The following RBFOX1 variants were observed in gnomAD, a reference collection of about 807,000 sequenced individuals.
RBFOX1 encodes RNA binding protein fox-1 homolog 1.
Under a neutral mutation model 57.7 loss-of-function variants are expected in RBFOX1, and 8 were observed. The ratio of observed to expected loss-of-function variants is 0.14; its 90% CI spans 0.08 to 0.25. RBFOX1 has a LOEUF of 0.25. Ranked by LOEUF, RBFOX1 falls within the 10% of genes least tolerant of loss-of-function variation. The pLI, the probability that RBFOX1 is intolerant of heterozygous loss-of-function variation, is 1.00. For synonymous variants in RBFOX1, 326 were observed against 222.4 expected, an observed-to-expected ratio of 1.47 and a Z score of -4.15; for missense variants, 611 against 548.5, an observed-to-expected ratio of 1.11 and a Z score of -1.14.
intron 1 of RBFOX1, among the ~76,000 whole-genome samples, chr16:5,441,198 A>G (rs75115167): frequency 0.041 from 6,269 of 152,180 alleles, 145 homozygotes; most frequent in African/African-American, 0.068. Flanking sequence ...CATATTTTTC[A>G]GGTTATTGTA....
chr16:7,540,856 T>G (rs1225874411), intron 5 of RBFOX1, among the ~76,000 whole-genome samples: 3 of 152,210 alleles, frequency 2.0e-5, no homozygotes, highest in South Asian at 4.1e-4. Flanking sequence ...CTTATCACTT[T>G]CCTTAAACCC....
chr16:7,314,389 G>T (rs143450139), intron 4 of RBFOX1, among the ~76,000 whole-genome samples: 13 of 152,330 alleles, frequency 8.5e-5, no homozygotes, highest in Admixed American at 3.9e-4. Flanking sequence ...GTGCAGTGAA[G>T]ACTGCTTCAT....
intron 1 of RBFOX1, among the ~76,000 whole-genome samples, chr16:6,193,425 T>A (rs796767477): frequency 3.8e-4 from 40 of 106,484 alleles, no homozygotes; most frequent in African/African-American, 1.0e-3. Context: ...TATATATATA[T>A]AAAATTCAGT....
At chr16:5,367,608 G>A (rs755851026) in intron 1 of RBFOX1, among the ~76,000 whole-genome samples, 8 of 152,214 alleles carry the variant, frequency 5.3e-5, no homozygotes, top group Non-Finnish European at 1.0e-4. Flanking sequence ...GGTACTGGGC[G>A]TAACAGCAGC....
chr16:6,256,664 G>A (rs1035947821), intron 1 of RBFOX1, among the ~76,000 whole-genome samples: 1 of 152,072 alleles, frequency 6.6e-6, no homozygotes, highest in Admixed American at 6.6e-5. Flanking sequence ...CTTTTGCTGT[G>A]GGATGCTGCC....
intron 3 of RBFOX1, among the ~76,000 whole-genome samples, chr16:6,825,654 C>T (rs1567427968): frequency 6.6e-6 from 1 of 152,094 alleles, no homozygotes; most frequent in East Asian, 1.9e-4. Flanking sequence ...CGCTTCACTG[C>T]AGAAAGCAGG....
chr16:5,294,020 G>A (rs1255434620), intron 1 of RBFOX1, among the ~76,000 whole-genome samples: 8 of 152,180 alleles, frequency 5.3e-5, no homozygotes, highest in Non-Finnish European at 7.4e-5. Context: ...CCTGAGGCCA[G>A]GAGTTCGAGA....
At chr16:7,227,069 C>G (rs1157223846) in intron 4 of RBFOX1, among the ~76,000 whole-genome samples, 8 of 152,270 alleles carry the variant, frequency 5.3e-5, no homozygotes, top group South Asian at 2.1e-4. Context: ...CCCCAGCATT[C>G]TTACCTGGCC....
intron 14 of RBFOX1, among the ~76,000 whole-genome samples, chr16:7,691,359 C>T (rs993344886): frequency 1.4e-5 from 2 of 138,684 alleles, no homozygotes; most frequent in Non-Finnish European, 3.1e-5. Context: ...AATCAATACA[C>T]ATAGGTTTTC....
chr16:5,311,717 T>C (rs533058419), intron 1 of RBFOX1, among the ~76,000 whole-genome samples: 1 of 152,364 alleles, frequency 6.6e-6, no homozygotes, highest in African/African-American at 2.4e-5. Flanking sequence ...TGTCTATTCA[T>C]GTCATTTGTC....
chr16:7,627,410 C>A (rs1165682727), intron 10 of RBFOX1, among the ~76,000 whole-genome samples: 2 of 152,066 alleles, frequency 1.3e-5, no homozygotes, highest in Non-Finnish European at 2.9e-5. Context: ...TATAAATTGA[C>A]CCCATTTGCC....
chr16:7,222,616 C>T (rs1384920545), intron 4 of RBFOX1, among the ~76,000 whole-genome samples: 1 of 152,196 alleles, frequency 6.6e-6, no homozygotes, highest in African/African-American at 2.4e-5. Context: ...CTCTCTGCCG[C>T]TTATGATCTG....
At chr16:6,879,484 C>G (rs1361329615) in intron 3 of RBFOX1, among the ~76,000 whole-genome samples, 2 of 152,180 alleles carry the variant, frequency 1.3e-5, no homozygotes, top group Admixed American at 1.3e-4. Flanking sequence ...ATGACCCCAT[C>G]ATGACCTTAA....
chr16:6,785,886 C>G (rs1366934212), intron 3 of RBFOX1, among the ~76,000 whole-genome samples: 1 of 152,186 alleles, frequency 6.6e-6, no homozygotes, highest in South Asian at 2.1e-4. Context: ...GCTCCTCAGG[C>G]TCCGCTTAGC....
At position 6,505,945 on chromosome 16, in the gene RBFOX1, G is replaced by A. The variant is rs184910846; in HGVS notation, c.-63-148658G>A. Among the ~76,000 whole-genome samples, 32 of 152,264 alleles carry A rather than the reference G, an allele frequency of 2.1e-4. No individual in the cohort carries two copies. In the East Asian group the frequency reaches 4.6e-3, roughly 22 times the overall value. On this transcript the variant is annotated intron_variant, in intron 2 of 15. Coordinates refer to ENST00000550418, the MANE Select transcript of RBFOX1 (RefSeq NM_018723.4). ...ACAGTTGAGTGGGGTCAGGAGAGGA[G>A]GTTAGTGACATGGGTGGAAGAGGAA...
intron 4 of RBFOX1, among the ~76,000 whole-genome samples, chr16:7,100,296 G>A (rs2062453232): frequency 1.3e-5 from 2 of 152,062 alleles, no homozygotes; most frequent in African/African-American, 2.4e-5. Context: ...AAAGAACCCT[G>A]ACTCTTTCTG....
rs1185943369 is a variant in RBFOX1 at position 5,900,963 on chromosome 16, G to C, written c.351+33628G>C. On this transcript the variant is annotated intron_variant, in intron 4 of 19. Transcript: ENST00000641259. ...CTGACAGTGCAGTGGCTCTATCTCA[G>C]AGGTGGCATGTGAGAAGCAGAGAAG... Among the ~76,000 whole-genome samples the C allele has an allele frequency of 3.9e-5, 6 of 152,210 alleles. 1 individual carries two copies. Among genetic ancestry groups the C allele is most frequent in the Admixed American group, 3.9e-4 (6 of 15,288 alleles).
intron 3 of RBFOX1, among the ~76,000 whole-genome samples, chr16:5,704,938 T>C (rs2051187599): frequency 6.6e-6 from 1 of 152,160 alleles, no homozygotes; most frequent in South Asian, 2.1e-4. Flanking sequence ...AAAAGTCATA[T>C]GGGAATGAGG....
At chr16:6,637,421 A>ACAAATATATAT (rs1263831992) in intron 2 of RBFOX1, among the ~76,000 whole-genome samples, 2 of 11,602 alleles carry the variant, frequency 1.7e-4, no homozygotes, top group Non-Finnish European at 7.1e-4. Context: ...TATATAATAT[A>ACAAATATATAT]TAAATATATT....
Sources: gnomAD v4.1 joint callset for allele counts (sites outside exome capture counted in the v4.1 genomes callset) on GRCh38, gnomAD v4.1.1 for gene constraint, MANE v1.5 for transcripts, NCBI Gene and HGNC (gene_info 2026-07-23, HGNC 2026-07-21) for gene names.